The following DYNC2I1 variants were observed in gnomAD, a reference collection of about 807,000 sequenced individuals.
DYNC2I1 encodes the protein cytoplasmic dynein 2 intermediate chain 1.
In DYNC2I1, 89 loss-of-function variants were observed where a neutral mutation model predicts 133.4. The observed-to-expected ratio is 0.67, with a 90% CI of 0.56 to 0.80. The LOEUF is 0.80. Among genes scored for constraint, DYNC2I1 ranks in the 30% least tolerant of loss-of-function variants. The pLI is 0.00. For synonymous variants in DYNC2I1, 504 were observed against 484.3 expected, an observed-to-expected ratio of 1.04 and a Z score of -0.54; for missense variants, 1,291 against 1,314.5, an observed-to-expected ratio of 0.98 and a Z score of 0.28.
At chr7:158,908,878 C>T (rs1222782561) in intron 11 of DYNC2I1, among the ~76,000 whole-genome samples, 1 of 152,172 alleles carries the variant, frequency 6.6e-6, no homozygotes, top group Non-Finnish European at 1.5e-5. Context: ...CCCAGTCTCT[C>T]ACCAGATGGC....
intron 10 of DYNC2I1, 80 bp from the exon 11 acceptor site, chr7:158,905,909 A>T: frequency 9.2e-7 from 1 of 1,085,752 alleles, no homozygotes; most frequent in Non-Finnish European, 1.4e-6. Flanking sequence ...ATATGCCTAT[A>T]ATTGTTTTAC....
At chr7:158,949,833 G>A (rs909548302), downstream of DYNC2I1, among the ~76,000 whole-genome samples, 19 of 151,444 alleles carry the variant, frequency 1.3e-4, no homozygotes, top group Admixed American at 2.0e-4. Context: ...GTGCAATGGC[G>A]CAATCTCGCC....
At chr7:158,919,935 G>C (rs1848850543) in intron 15 of DYNC2I1, among the ~76,000 whole-genome samples, 1 of 152,246 alleles carries the variant, frequency 6.6e-6, no homozygotes. Flanking sequence ...AGCGGCAGTG[G>C]TGCCATGGCC....
At chr7:158,917,796 C>G (rs1362464021) in intron 14 of DYNC2I1, among the ~76,000 whole-genome samples, 1 of 152,132 alleles carries the variant, frequency 6.6e-6, no homozygotes, top group Non-Finnish European at 1.5e-5. Flanking sequence ...AATCTCCTGC[C>G]TTCCACACTC....
At chr7:158,953,922 A>G (rs994236575) in intron 4 of DYNC2I1, among the ~76,000 whole-genome samples, 2 of 152,110 alleles carry the variant, frequency 1.3e-5, no homozygotes, top group East Asian at 3.8e-4. Context: ...GTATATTTGT[A>G]TAAAACCTAT....
chr7:158,842,722 G>A, the DYNC2I1 span, among the ~76,000 whole-genome samples: 5 of 152,246 alleles, frequency 3.3e-5, no homozygotes, highest in African/African-American at 1.2e-4. Context: ...AATGAGAAAG[G>A]TTTATTGATT....
In DYNC2I1 at chr7:158,934,132, T is replaced by G. The variant is rs1241870160; in HGVS notation, c.2550T>G (p.Leu850=). ...HSALIQLGDS[L]SHKGNEFWGT... ...TTTTGTTACTTTATTTTTTCAGTCT[T>G]TCCCATAAAGGTAATGAATTTTGGG... Residue 850 remains leucine (L), a synonymous_variant, in exon 22 of 25, where the codon CTT becomes CTG. Coordinates refer to ENST00000407559, the MANE Select transcript of DYNC2I1 (RefSeq NM_018051.5). 1.2e-6 allele frequency: 2 copies of G among 1,607,360 alleles called. No homozygotes were observed. Among genetic ancestry groups the G allele is most frequent in the African/African-American group, 2.7e-5 (2 of 74,656 alleles).
rs758729516 is a variant in DYNC2I1, at chr7:158,880,009, G to A, written c.879+20G>A. 25 of 1,563,880 alleles carry A rather than the reference G, an allele frequency of 1.6e-5. No homozygotes were observed. The highest frequency in any genetic ancestry group is 1.7e-4 in the Middle Eastern group (1 of 5,802). On this transcript the variant is annotated intron_variant, in intron 5 of 24. Transcript: ENST00000407559. ...TCCCAGGTACCCCTTCTGATGCTTC[G>A]TTGCCTTAGCAGCCGCCCCGAGGCC...
At chr7:158,898,634 T>G (rs1305243111) in intron 8 of DYNC2I1, among the ~76,000 whole-genome samples, 1 of 152,226 alleles carries the variant, frequency 6.6e-6, no homozygotes, top group African/African-American at 2.4e-5. Flanking sequence ...TGGATCTTGT[T>G]TTTTGATCCT....
intron 2 of DYNC2I1, among the ~76,000 whole-genome samples, chr7:158,870,479 G>T (rs560165513): frequency 6.6e-6 from 1 of 152,026 alleles, no homozygotes; most frequent in Admixed American, 6.6e-5. Flanking sequence ...TCAGTCTCTT[G>T]AGTAGCTAGG....
chr7:158,856,192 C>T (rs2129475345), upstream of DYNC2I1, among the ~76,000 whole-genome samples: 1 of 152,088 alleles, frequency 6.6e-6, no homozygotes, highest in East Asian at 1.9e-4. Context: ...ATGATCCACC[C>T]GCCTCCGCCT....
chr7:158,917,324 C>A (rs948251934), intron 14 of DYNC2I1, among the ~76,000 whole-genome samples: 1 of 150,646 alleles, frequency 6.6e-6, no homozygotes, highest in Non-Finnish European at 1.5e-5. Context: ...TCACTAAACA[C>A]CCCCTGCCCT....
intron 21 of DYNC2I1, among the ~76,000 whole-genome samples, chr7:158,930,917 C>T (rs1272618161): frequency 6.6e-6 from 1 of 152,132 alleles, no homozygotes; most frequent in Non-Finnish European, 1.5e-5. Flanking sequence ...ATCCACCCAC[C>T]TCAGCCTCCC....
chr7:158,929,809 AC>A (rs1455669882), intron 20 of DYNC2I1, among the ~76,000 whole-genome samples: 1 of 152,220 alleles, frequency 6.6e-6, no homozygotes, highest in Non-Finnish European at 1.5e-5. Context: ...GGGAGCAGAC[AC>A]AGGAGGCAAA....
chr7:158,856,422 T>C (rs1841228544), upstream of DYNC2I1, among the ~76,000 whole-genome samples: 2 of 152,228 alleles, frequency 1.3e-5, no homozygotes, highest in Non-Finnish European at 2.9e-5. Flanking sequence ...CTGCTGCTCC[T>C]GCCTGGCGGT....
chr7:158,908,929 A>G (rs966030175), intron 11 of DYNC2I1, among the ~76,000 whole-genome samples: 1 of 152,200 alleles, frequency 6.6e-6, no homozygotes, highest in Non-Finnish European at 1.5e-5. Flanking sequence ...CACAACAGAA[A>G]AAAATTAGGC....
chr7:158,919,332 C>A (rs1002067960), intron 15 of DYNC2I1, among the ~76,000 whole-genome samples: 2 of 151,694 alleles, frequency 1.3e-5, no homozygotes, highest in Admixed American at 1.3e-4. Context: ...ATTTTTAGGT[C>A]AATCCGTGGT....
the DYNC2I1 span, among the ~76,000 whole-genome samples, chr7:158,842,399 G>A: frequency 5.5e-4 from 83 of 152,278 alleles, no homozygotes; most frequent in Middle Eastern, 0.014. Context: ...TAGTGTCACC[G>A]TTTCCTCAGC....
chr7:158,913,128 ACT>A (rs1214525112), intron 13 of DYNC2I1, 32 bp downstream of exon 13: 3 of 1,458,348 alleles, frequency 2.1e-6, no homozygotes, highest in Non-Finnish European at 2.8e-6. Flanking sequence ...TTGACCATTG[ACT>A]CTCTTTACAT....
Sources: gnomAD v4.1 joint callset for allele counts (sites outside exome capture counted in the v4.1 genomes callset) on GRCh38, gnomAD v4.1.1 for gene constraint, MANE v1.5 for transcripts, NCBI Gene and HGNC (gene_info 2026-07-23, HGNC 2026-07-21) for gene names.